The following OPRM1 variants were observed in gnomAD, a reference collection of about 807,000 sequenced individuals.
OPRM1 encodes opioid receptor mu 1.
In OPRM1, 27 loss-of-function variants were observed where a neutral mutation model predicts 31.8. The ratio of observed to expected loss-of-function variants is 0.85; its 90% confidence interval spans 0.63 to 1.17. The LOEUF (loss-of-function observed/expected upper bound fraction) is 1.17. Among genes scored for constraint, OPRM1 ranks in the 50% most tolerant of loss-of-function variants. The pLI, the probability that OPRM1 is intolerant of heterozygous loss-of-function variation, is 0.00. For synonymous variants in OPRM1, 196 were observed against 189.9 expected (o/e 1.03, Z -0.26); for missense variants, 536 against 511.1 (o/e 1.05, Z -0.47).
intron 3 of OPRM1, among the ~76,000 whole-genome samples, chr6:154,106,655 G>T (rs1795620295): frequency 6.6e-6 from 1 of 152,052 alleles, no homozygotes; most frequent in African/African-American, 2.4e-5. Flanking sequence ...TAAACAACCA[G>T]TTATTTTACT....
At chr6:154,028,626 A>G (rs891403706) in intron 1 of OPRM1, among the ~76,000 whole-genome samples, 2 of 152,206 alleles carry the variant, frequency 1.3e-5, no homozygotes, top group African/African-American at 4.8e-5. Context: ...CAGGAACTCA[A>G]GTTCAGACCA....
chr6:154,132,397 C>A (rs1003034312), downstream of OPRM1, among the ~76,000 whole-genome samples: 1 of 152,106 alleles, frequency 6.6e-6, no homozygotes, highest in African/African-American at 2.4e-5. Context: ...ACATTACTGA[C>A]CTGTTTTAAA....
In OPRM1 at chr6:154,124,420, CA is replaced by C. The variant is rs1398704767; in HGVS notation, c.*5700del. Among the ~76,000 whole-genome samples, 1 of 152,142 alleles carries C rather than the reference CA, an allele frequency of 6.6e-6. No individual in the cohort carries two copies. The highest frequency in any genetic ancestry group is 1.5e-5 in the Non-Finnish European group (1 of 68,028). On this transcript the variant is annotated 3_prime_UTR_variant, in exon 4 of 4. Transcript: ENST00000330432. The stretch of plus-strand genomic sequence containing the variant: ...GTACTGAGAACTTCATTAAAACCTG[CA>C]CTTGAAATTGCACTTAAACTTTACA...
At position 154,039,242 on chromosome 6, in the gene OPRM1, C is replaced by G; in HGVS notation, c.-303C>G. The G allele has an allele frequency of 6.4e-7, 1 of 1,551,746 alleles. No homozygotes were observed. The highest frequency in any genetic ancestry group is 8.7e-7 in the Non-Finnish European group (1 of 1,147,000). On this transcript the variant is annotated 5_prime_UTR_variant, in exon 1 of 4. Transcript: ENST00000330432. ...GCAAAATCCACCCCTTTTCCCTCCT[C>G]CCTCCCTTCCAGCCTCCGAATCCCG... is the stretch of plus-strand genomic sequence containing the variant.
chr6:154,187,263 C>A (rs1031319447), intron 3 of OPRM1, among the ~76,000 whole-genome samples: 2 of 152,162 alleles, frequency 1.3e-5, no homozygotes, highest in Non-Finnish European at 2.9e-5. Context: ...TCTGTCCAGT[C>A]TCTCTCTAAC....
chr6:154,228,684 C>G (rs549007223), intron 3 of OPRM1, among the ~76,000 whole-genome samples: 20 of 152,320 alleles, frequency 1.3e-4, no homozygotes, highest in African/African-American at 4.8e-4. Flanking sequence ...CTGATCATCT[C>G]TTTGATCTCA....
At chr6:154,141,943 C>A (rs1798224123) in intron 3 of OPRM1, among the ~76,000 whole-genome samples, 1 of 152,188 alleles carries the variant, frequency 6.6e-6, no homozygotes, top group Non-Finnish European at 1.5e-5. Flanking sequence ...TCAGTTCCTG[C>A]CTTACATTCT....
Position 154,061,369 on chromosome 6 carries a change from G to A in OPRM1, c.290+21535G>A, listed in dbSNP as rs145924906. Among the ~76,000 whole-genome samples the A allele has an allele frequency of 8.1e-4, 123 of 152,138 alleles. 1 individual carries two copies. Among genetic ancestry groups the A allele is most frequent in the East Asian group, 6.4e-3 (33 of 5,182 alleles). ...ACATCTAACACACCATTTAGAAATC[G>A]CTTGGTTCTGGTTTGTCACCAGACT... On this transcript the variant is annotated intron_variant, in intron 1 of 3. Transcript: ENST00000330432.
At chr6:154,140,748 G>A (rs1203651468) in intron 3 of OPRM1, among the ~76,000 whole-genome samples, 2 of 152,162 alleles carry the variant, frequency 1.3e-5, no homozygotes, top group African/African-American at 4.8e-5. Flanking sequence ...AGGGCACCCT[G>A]CCTACACTCC....
rs150623305 is a variant in OPRM1, at chr6:154,028,357, C to T, written c.1-10804C>T. Reference sequence around the variant, plus strand: ...TGTGGCTGAGATTCAAGATGCAACACGAAGTCCTCCCCACTCTTCCTTCTC... The same window carrying T: ...TGTGGCTGAGATTCAAGATGCAACATGAAGTCCTCCCCACTCTTCCTTCTC... On this transcript the variant is annotated intron_variant, in intron 1 of 5. Transcript: ENST00000434900. Among the ~76,000 whole-genome samples, 6 of 152,220 alleles carry T rather than the reference C, an allele frequency of 3.9e-5. No homozygotes were observed. The East Asian group carries it at 1.2e-3, about 29-fold the overall frequency.
chr6:154,223,805 T>C (rs1779047632), intron 3 of OPRM1, among the ~76,000 whole-genome samples: 1 of 152,228 alleles, frequency 6.6e-6, no homozygotes, highest in Non-Finnish European at 1.5e-5. Flanking sequence ...CCCAAGTCTG[T>C]AGGCAGGGCC....
At chr6:154,173,999 G>A (rs1800090132) in intron 3 of OPRM1, among the ~76,000 whole-genome samples, 1 of 152,202 alleles carries the variant, frequency 6.6e-6, no homozygotes, top group Admixed American at 6.5e-5. Flanking sequence ...CAAGCCAGAA[G>A]AGAGTGGGGG....
intron 3 of OPRM1, among the ~76,000 whole-genome samples, chr6:154,181,384 T>C (rs1032926365): frequency 2.0e-5 from 3 of 152,174 alleles, no homozygotes; most frequent in African/African-American, 4.8e-5. Flanking sequence ...AACACTTCTA[T>C]GAGAAGTGTT....
At position 154,091,374 on chromosome 6, in the gene OPRM1, A is replaced by G. The variant is rs772985784; in HGVS notation, c.1066A>G (p.Thr356Ala). ...ATGCTTCAGAGAGTTCTGTATCCCA[A>G]CCTCTTCCAACATTGAGCAACAAAA... is the stretch of plus-strand genomic sequence containing the variant. ...KRCFREFCIP[T>A]SSNIEQQNST... The change falls in exon 3 of 4, where the codon ACC (threonine) becomes GCC (alanine). Residue 356 changes from threonine (T) to alanine (A), a missense_variant. Thr to Ala is a moderately conservative substitution (Grantham distance 58). Coordinates refer to ENST00000330432, the MANE Select transcript of OPRM1 (RefSeq NM_000914.5). The G allele has an allele frequency of 1.9e-6, 3 of 1,614,002 alleles. No individual in the cohort carries two copies. Among genetic ancestry groups the G allele is most frequent in the Non-Finnish European group, 2.5e-6 (3 of 1,180,008 alleles).
exon 4 of OPRM1, chr6:154,246,761 C>A (rs751671320): frequency 1.9e-6 from 3 of 1,613,520 alleles, no homozygotes; most frequent in Non-Finnish European, 2.5e-6. Flanking sequence ...GTGAGAAAAC[C>A]TGCAATGATT....
rs112543406 is a variant in OPRM1, at chr6:154,236,243, C to T, written c.1165-10450C>T. ...AGGAAGACAATTCTGAGACCTGCTA[C>T]CACATGGATGAACCTTGAAGACATT... On this transcript the variant is annotated intron_variant, in intron 3 of 3. Coordinates refer to the OPRM1 transcript ENST00000337049. Among the ~76,000 whole-genome samples the T allele has an allele frequency of 1.0e-2, 1,520 of 152,256 alleles. 6 individuals carry two copies. Among genetic ancestry groups the T allele is most frequent in the Non-Finnish European group, 0.015 (998 of 68,020 alleles).
At chr6:154,099,460 GAAA>G in intron 3 of OPRM1, among the ~76,000 whole-genome samples, 1 of 142,362 alleles carries the variant, frequency 7.0e-6, no homozygotes, top group Non-Finnish European at 1.5e-5. Context: ...AAGAGAGAAA[GAAA>G]GAAAGAAAAA....
intron 1 of OPRM1, among the ~76,000 whole-genome samples, chr6:154,030,295 G>A (rs745998625): frequency 5.3e-5 from 8 of 152,126 alleles, no homozygotes; most frequent in Non-Finnish European, 1.0e-4. Context: ...CTTGATTAAG[G>A]AAATAAAAAG....
At chr6:154,044,485 G>A (rs963604410) in intron 1 of OPRM1, among the ~76,000 whole-genome samples, 1 of 151,522 alleles carries the variant, frequency 6.6e-6, no homozygotes, top group African/African-American at 2.4e-5. Flanking sequence ...CAAACATTCG[G>A]GCCATTAACT....
Sources: allele counts gnomAD v4.1 joint callset (sites outside exome capture counted in the v4.1 genomes callset), GRCh38; gene constraint gnomAD v4.1.1; transcripts MANE v1.5; gene names NCBI Gene and HGNC (gene_info 2026-07-23, HGNC 2026-07-21).